The following TRIM66 variants were observed in gnomAD, a reference collection of about 807,000 sequenced individuals.
The protein encoded by TRIM66 is tripartite motif-containing protein 66.
Under a neutral mutation model 148.2 loss-of-function variants are expected in TRIM66, and 99 were observed. That is an observed-to-expected ratio of 0.67 (90% confidence interval 0.57 to 0.79). The LOEUF (loss-of-function observed/expected upper bound fraction) is 0.79, where lower values mean the gene tolerates loss of function less well. Among genes scored for constraint, TRIM66 ranks in the 30% least tolerant of loss-of-function variants. The pLI, the probability that TRIM66 is intolerant of heterozygous loss-of-function variation, is 0.00. For synonymous variants in TRIM66, 616 were observed against 635.9 expected (o/e 0.97, Z 0.47); for missense variants, 1,666 against 1,697.9 (o/e 0.98, Z 0.33).
intron 15 of TRIM66, among the ~76,000 whole-genome samples, chr11:8,633,951 C>T (rs368098835): frequency 6.6e-6 from 1 of 152,162 alleles, no homozygotes; most frequent in Non-Finnish European, 1.5e-5. Context: ...CTCTGTATCA[C>T]TCTTAATAAT....
chr11:8,668,763 T>G (rs1476363408), intron 6 of TRIM66, among the ~76,000 whole-genome samples: 4 of 151,956 alleles, frequency 2.6e-5, no homozygotes, highest in Non-Finnish European at 5.9e-5. Context: ...CTTTTTGTAT[T>G]TTAGTAGAGA....
rs2036803911 is a variant in TRIM66, at chr11:8,645,901, G to A, written c.958-14C>T. 1.9e-6 allele frequency: 3 copies of A among 1,551,032 alleles called. No individual in the cohort carries two copies. The highest frequency in any genetic ancestry group is 2.7e-5 in the African/African-American group (2 of 73,040). ...ATTAGTAATCCCCTGGGTACAGAGAGAAGACAGAGTCCTTGATCCTGTTAC... is the reference window on the plus strand; with the variant it reads ...ATTAGTAATCCCCTGGGTACAGAGAAAAGACAGAGTCCTTGATCCTGTTAC... On this transcript the variant is annotated splice_polypyrimidine_tract_variant and intron_variant, in intron 11 of 24. Coordinates refer to ENST00000646038, the MANE Select transcript of TRIM66 (RefSeq NM_001388022.1).
intron 24 of TRIM66, 62 bp from the exon 25 acceptor site, chr11:8,618,065 A>G (rs1239587955): frequency 6.8e-6 from 10 of 1,478,128 alleles, no homozygotes; most frequent in Non-Finnish European, 9.2e-6. Context: ...TAACATGAAA[A>G]GGCTATGTCA....
intron 16 of TRIM66, 24 bp from the exon 17 acceptor site, chr11:8,624,575 A>G: frequency 6.6e-7 from 1 of 1,515,822 alleles, no homozygotes; most frequent in African/African-American, 1.4e-5. Context: ...AATGTCGACA[A>G]GAATCAAAGA....
intron 7 of TRIM66, among the ~76,000 whole-genome samples, chr11:8,650,807 ATGT>A (rs2133247799): frequency 6.6e-6 from 1 of 152,300 alleles, no homozygotes; most frequent in South Asian, 2.1e-4. Context: ...AGGGAGGAAA[ATGT>A]TGTAACAGAG....
At chr11:8,665,432 T>C (rs1427104013) in intron 6 of TRIM66, among the ~76,000 whole-genome samples, 5 of 152,242 alleles carry the variant, frequency 3.3e-5, no homozygotes, top group Admixed American at 3.3e-4. Flanking sequence ...TATTGATCCT[T>C]TGCTTGAACT....
intron 12 of TRIM66, among the ~76,000 whole-genome samples, chr11:8,643,962 C>T (rs908482869): frequency 5.9e-5 from 9 of 152,086 alleles, no homozygotes; most frequent in African/African-American, 2.2e-4. Flanking sequence ...ACATCTTAGC[C>T]TCTCATTTCA....
At chr11:8,661,305 T>C (rs575694495) in intron 6 of TRIM66, among the ~76,000 whole-genome samples, 23 of 152,330 alleles carry the variant, frequency 1.5e-4, no homozygotes, top group Non-Finnish European at 2.5e-4. Context: ...TCAGAGCCCA[T>C]GCTCCTAGGA....
chr11:8,640,895 G>A lies in TRIM66; in HGVS notation c.1480C>T (p.Gln494Ter), dbSNP rs1390316197. 1 of 1,550,598 alleles carries A rather than the reference G, an allele frequency of 6.4e-7. No individual in the cohort carries two copies. Among genetic ancestry groups the A allele is most frequent in the South Asian group, 1.2e-5 (1 of 84,010 alleles). Residue 494 changes from glutamine to a stop codon, truncating the protein, a stop_gained, in exon 14 of 25, where the codon CAG (glutamine) becomes TAG (stop). Coordinates refer to ENST00000646038, the MANE Select transcript of TRIM66 (RefSeq NM_001388022.1). LOFTEE classifies it high-confidence loss of function. ...PSIHPAHSFRQPPEMVPQQLG... is the reference protein window; with the variant it reads ...PSIHPAHSFR ...TGCTGGGGCACCATCTCAGGGGGCT[G>A]CCTGAAGCTGTGGGCTGGGTGTATG...
At chr11:8,663,849 A>C (rs2038417082) in intron 6 of TRIM66, among the ~76,000 whole-genome samples, 1 of 152,222 alleles carries the variant, frequency 6.6e-6, no homozygotes, top group South Asian at 2.1e-4. Flanking sequence ...CTTACAGCAC[A>C]TTGTAAGTGA....
At chr11:8,628,612 CAAAAAAAAAA>C (rs750649249) in intron 15 of TRIM66, among the ~76,000 whole-genome samples, 8 of 80,640 alleles carry the variant, frequency 9.9e-5, no homozygotes, top group Admixed American at 6.1e-4. Context: ...GACCCTGTCT[CAAAAAAAAAA>C]AAAAAAAAAA....
Position 8,639,182 on chromosome 11 carries a change from G to A in TRIM66, c.2149-367C>T, listed in dbSNP as rs1384368950. ...CTCCTCAAAAGAACTGGGCCTCAGG[G>A]GAAGACATTGAAGCATGATCTGAAG... is the stretch of plus-strand genomic sequence containing the variant. On this transcript the variant is annotated intron_variant, in intron 14 of 24. Transcript: ENST00000646038. Among the ~76,000 whole-genome samples the A allele has an allele frequency of 2.0e-5, 3 of 152,164 alleles. 1 individual carries two copies. Among genetic ancestry groups the A allele is most frequent in the African/African-American group, 7.2e-5 (3 of 41,438 alleles).
In TRIM66 at chr11:8,648,077, A is replaced by G; in HGVS notation, c.735T>C (p.His245=). Residue 245 remains histidine, a synonymous_variant, in exon 10 of 25, where the codon CAT becomes CAC. Transcript: ENST00000646038. Reference sequence around the variant, plus strand: ...TCTGGTTTTGCAAAACTTCTTCAACATGTCTGCACCTAGGGGATGAGGCAG... The same window carrying G: ...TCTGGTTTTGCAAAACTTCTTCAACGTGTCTGCACCTAGGGGATGAGGCAG... The part of the protein sequence containing the change: ...VVEHKEHRCR[H]VEEVLQNQRM... 2 of 1,551,492 alleles carry G rather than the reference A, an allele frequency of 1.3e-6. No homozygotes were observed. The highest frequency in any genetic ancestry group is 1.7e-6 in the Non-Finnish European group (2 of 1,146,828).
At position 8,643,078 on chromosome 11, in the gene TRIM66, G is replaced by A; in HGVS notation, c.1153C>T (p.Pro385Ser). The change falls in exon 13 of 25, where the codon CCT becomes TCT. Residue 385 changes from proline (P) to serine (S), a missense_variant. By Grantham distance (74) the Pro-to-Ser change is moderately conservative. This residue lies in a region of TRIM66 where 1,431 missense variants were observed against 1,412.4 expected (regional missense o/e 1.01). Transcript: ENST00000646038. Reference sequence around the variant, plus strand: ...AATCTGATACTCCAAGGGGAGCCAGGATCTGTGTTACAACTTGTCTCCAGC... The same window carrying A: ...AATCTGATACTCCAAGGGGAGCCAGAATCTGTGTTACAACTTGTCTCCAGC... ...RLLETSCNTD[P>S]GSPWSIRFTW... is the part of the protein sequence containing the mutation. The A allele has an allele frequency of 6.4e-7, 1 of 1,551,328 alleles. No individual in the cohort carries two copies. Among genetic ancestry groups the A allele is most frequent in the Non-Finnish European group, 8.7e-7 (1 of 1,146,856 alleles).
chr11:8,630,696 C>T (rs1020629060), intron 15 of TRIM66, among the ~76,000 whole-genome samples: 5 of 152,086 alleles, frequency 3.3e-5, no homozygotes, highest in Admixed American at 3.3e-4. Context: ...TGTGTGTCCC[C>T]GTCCCTGTCC....
chr11:8,672,216 TG>T (rs2038972183), intron 5 of TRIM66, 31 bp downstream of exon 5: 1 of 1,536,030 alleles, frequency 6.5e-7, no homozygotes. Context: ...TCTCCAGAGC[TG>T]GAGGCTCATG....
At chr11:8,630,479 GA>G (rs2035286835) in intron 15 of TRIM66, among the ~76,000 whole-genome samples, 1 of 152,192 alleles carries the variant, frequency 6.6e-6, no homozygotes, top group Non-Finnish European at 1.5e-5. Context: ...TTTCATGAAG[GA>G]AAAGGTATAT....
At position 8,624,798 on chromosome 11, in the gene TRIM66, C is replaced by T; in HGVS notation, c.2741G>A (p.Gly914Glu). 1.3e-6 allele frequency: 2 copies of T among 1,551,562 alleles called. No homozygotes were observed. Among genetic ancestry groups the T allele is most frequent in the Non-Finnish European group, 1.7e-6 (2 of 1,146,922 alleles). ...AGTTCGGCCAGAACTGGAGCTGGAC[C>T]CAGTTTCTGGCTGCATGTCAGAAAC... ...PPVSDMQPETGSSSSSGRTSG... is the reference protein window; with the variant it reads ...PPVSDMQPETESSSSSGRTSG... Residue 914 changes from glycine to glutamate, a missense_variant, in exon 16 of 25, where the codon GGG (glycine) becomes GAG (glutamate). Around this residue, in one of 3 missense-constraint regions of TRIM66, gnomAD observed 1,431 missense variants for 1,412.4 expected, o/e 1.01. Transcript: ENST00000646038.
chr11:8,628,657 T>C (rs2035106815), intron 15 of TRIM66, among the ~76,000 whole-genome samples: 1 of 145,828 alleles, frequency 6.9e-6, no homozygotes, highest in Admixed American at 7.1e-5. Context: ...TCCAGATCTT[T>C]GGTACCAAAG....
Sources: gnomAD v4.1 joint callset for allele counts (sites outside exome capture counted in the v4.1 genomes callset) on GRCh38, gnomAD v4.1.1 for gene constraint, gnomAD v4.1.1 regional missense constraint, MANE v1.5 for transcripts, NCBI Gene and HGNC (gene_info 2026-07-23, HGNC 2026-07-21) for gene names.